Variants in RAP1A observed in about 807,000 individuals in gnomAD.
RAP1A encodes RAP1A, member of RAS oncogene family.
RAP1A carries 6 observed loss-of-function variants against 26.4 expected under a neutral mutation model. The observed-to-expected ratio is 0.23, with a 90% confidence interval of 0.12 to 0.45. RAP1A has a LOEUF of 0.45. Among genes scored for constraint, RAP1A ranks in the 20% least tolerant of loss-of-function variants. The pLI, the probability that RAP1A is intolerant of heterozygous loss-of-function variation, is 0.99. For missense variants in RAP1A, 121 were observed against 217.2 expected, an observed-to-expected ratio of 0.56 and a Z score of 2.78; for synonymous variants, 73 against 79.4, an observed-to-expected ratio of 0.92 and a Z score of 0.43.
At chr1:111,655,266 C>A (rs75441207) in intron 1 of RAP1A, among the ~76,000 whole-genome samples, 18 of 142,174 alleles carry the variant, frequency 1.3e-4, no homozygotes, top group Admixed American at 4.9e-4. Flanking sequence ...TGCAATAAAA[C>A]AAAAAAAAAA....
chr1:111,618,056 C>A (rs1359912438), upstream of RAP1A, among the ~76,000 whole-genome samples: 1 of 151,030 alleles, frequency 6.6e-6, no homozygotes, highest in Admixed American at 6.6e-5. Context: ...AAAAAAAAAT[C>A]ATTCCAGCAT....
chr1:111,594,238 A>G (rs920427266), intron 1 of RAP1A, among the ~76,000 whole-genome samples: 2 of 152,234 alleles, frequency 1.3e-5, no homozygotes, highest in African/African-American at 4.8e-5. Flanking sequence ...TTTGGCAGCT[A>G]GAAAGAAACA....
Position 111,643,054 on chromosome 1 carries a change from G to T in RAP1A, c.-28+23120G>T, listed in dbSNP as rs147125688. The stretch of plus-strand genomic sequence containing the variant: ...CAAAGTGCTGGGATTACAGGCGTGA[G>T]CCACTGCGCCCGGCCAGCTAATTTT... On this transcript the variant is annotated intron_variant, in intron 1 of 7. Coordinates refer to ENST00000369709, the MANE Select transcript of RAP1A (RefSeq NM_002884.4). 8.6e-3 allele frequency among the ~76,000 whole-genome samples: 1,309 copies of T among 152,274 alleles called. 17 individuals carry two copies. Among genetic ancestry groups the T allele is most frequent in the African/African-American group, 0.03 (1,253 of 41,548 alleles).
Position 111,713,413 on chromosome 1 carries a change from T to TA in RAP1A, c.*1017dup, listed in dbSNP as rs937216055. Reference sequence around the variant, plus strand: ...TCCCACTGTATATTATTTTTATATGTAAAAAGATAAGTTTAATACTGTATC... The same window carrying TA: ...TCCCACTGTATATTATTTTTATATGTAAAAAAGATAAGTTTAATACTGTATC... On this transcript the variant is annotated 3_prime_UTR_variant, in exon 8 of 8. Coordinates refer to ENST00000369709, the MANE Select transcript of RAP1A (RefSeq NM_002884.4). 8 of 152,182 alleles carry TA rather than the reference T, an allele frequency of 5.3e-5. No homozygotes were observed. Among genetic ancestry groups the TA allele is most frequent in the African/African-American group, 1.9e-4 (8 of 41,458 alleles). The allele number at this position is 152,182 out of a possible 1,614,324, so 9.4% of individuals were successfully genotyped here.
intron 1 of RAP1A, among the ~76,000 whole-genome samples, chr1:111,660,902 A>G (rs991768466): frequency 1.3e-5 from 2 of 152,024 alleles, no homozygotes; most frequent in Non-Finnish European, 2.9e-5. Flanking sequence ...TGTCTGCCCA[A>G]CTCTGTCCTC....
intron 1 of RAP1A, among the ~76,000 whole-genome samples, chr1:111,598,248 T>G (rs1276990580): frequency 1.3e-5 from 2 of 152,230 alleles, no homozygotes; most frequent in Non-Finnish European, 2.9e-5. Context: ...GTGCTTACTA[T>G]GAGACAGGCA....
At chr1:111,661,167 C>A (rs969342105) in intron 1 of RAP1A, among the ~76,000 whole-genome samples, 2 of 152,138 alleles carry the variant, frequency 1.3e-5, no homozygotes, top group Non-Finnish European at 2.9e-5. Context: ...ACTGTGCAGA[C>A]CCTTGTAAGC....
At chr1:111,696,858 AAGTGCCTTTTTCT>A (rs1455366869) in intron 3 of RAP1A, among the ~76,000 whole-genome samples, 3 of 152,168 alleles carry the variant, frequency 2.0e-5, no homozygotes, top group Non-Finnish European at 4.4e-5. Flanking sequence ...TTTTCTAGAA[AAGTGCCTTTTTCT>A]TGAGGCACTG....
At chr1:111,564,699 A>G (rs930737281) in intron 1 of RAP1A, among the ~76,000 whole-genome samples, 1 of 151,618 alleles carries the variant, frequency 6.6e-6, no homozygotes, top group Non-Finnish European at 1.5e-5. Flanking sequence ...TTTTTAGTAG[A>G]GATGGGGTTT....
chr1:111,653,711 G>A (rs1418971006), intron 1 of RAP1A, among the ~76,000 whole-genome samples: 1 of 146,274 alleles, frequency 6.8e-6, no homozygotes, highest in Non-Finnish European at 1.5e-5. Context: ...AAAAAAAAAG[G>A]TGGATTTTAC....
intron 1 of RAP1A, among the ~76,000 whole-genome samples, chr1:111,578,937 C>T (rs1171306944): frequency 6.6e-6 from 1 of 152,216 alleles, no homozygotes; most frequent in Non-Finnish European, 1.5e-5. Context: ...GAAACATTTA[C>T]CAGCTTATTA....
chr1:111,641,137 A>G (rs1351401082), intron 1 of RAP1A, among the ~76,000 whole-genome samples: 1 of 152,248 alleles, frequency 6.6e-6, no homozygotes, highest in African/African-American at 2.4e-5. Flanking sequence ...ATGTACATAT[A>G]TGCATATATA....
chr1:111,704,299 AATGAGT>A (rs777237482), intron 5 of RAP1A, 38 bp from the exon 6 acceptor site: 1 of 1,593,834 alleles, frequency 6.3e-7, no homozygotes, highest in Non-Finnish European at 8.6e-7. Context: ...AAGGCTAAGT[AATGAGT>A]ATGTTATTGT....
At chr1:111,651,946 T>G (rs990059425) in intron 1 of RAP1A, among the ~76,000 whole-genome samples, 3 of 152,074 alleles carry the variant, frequency 2.0e-5, no homozygotes, top group African/African-American at 7.2e-5. Flanking sequence ...ACTTTTTTTT[T>G]TTTGTGCAAA....
chr1:111,583,099 G>A (rs1236469417), intron 1 of RAP1A, among the ~76,000 whole-genome samples: 1 of 152,066 alleles, frequency 6.6e-6, no homozygotes, highest in African/African-American at 2.4e-5. Context: ...GGATCACAGA[G>A]CAGAGGCTGA....
At chr1:111,549,162 G>A (rs940415580) in intron 1 of RAP1A, among the ~76,000 whole-genome samples, 2 of 152,086 alleles carry the variant, frequency 1.3e-5, no homozygotes, top group South Asian at 4.1e-4. Context: ...TCTTTGTCTG[G>A]TGTTAGTATT....
intron 1 of RAP1A, among the ~76,000 whole-genome samples, chr1:111,591,161 T>C (rs1476997136): frequency 6.6e-6 from 1 of 152,194 alleles, no homozygotes; most frequent in East Asian, 1.9e-4. Context: ...TCACATAAGT[T>C]TTCAAATTTA....
chr1:111,658,800 T>A (rs1038064550), intron 1 of RAP1A, among the ~76,000 whole-genome samples: 5 of 152,228 alleles, frequency 3.3e-5, no homozygotes, highest in African/African-American at 7.2e-5. Context: ...CCTTACTGAT[T>A]TTCTGCCTGC....
intron 1 of RAP1A, among the ~76,000 whole-genome samples, chr1:111,592,665 G>A (rs751589713): frequency 3.4e-4 from 51 of 152,164 alleles, no homozygotes; most frequent in Non-Finnish European, 1.8e-4. Context: ...GAACTCTGGG[G>A]TATGTTTCCA....
Sources: allele counts gnomAD v4.1 joint callset (sites outside exome capture counted in the v4.1 genomes callset), GRCh38; gene constraint gnomAD v4.1.1; transcripts MANE v1.5; gene names NCBI Gene and HGNC (gene_info 2026-07-23, HGNC 2026-07-21).